FAM161A: variants seen among roughly 807,000 people sequenced by gnomAD.
FAM161A encodes the protein protein FAM161A.
In FAM161A, 57 loss-of-function variants were observed where a neutral mutation model predicts 70.9. The ratio of observed to expected loss-of-function variants is 0.80; its 90% CI spans 0.65 to 1.00. FAM161A has a LOEUF of 1.00. Among genes scored for constraint, FAM161A ranks in the 50% least tolerant of loss-of-function variants. FAM161A has a pLI of 0.00. For missense variants in FAM161A, 880 were observed against 836.0 expected (o/e 1.05, Z -0.65); for synonymous variants, 299 against 295.7 (o/e 1.01, Z -0.12).
chr2:61,802,079 A>G, the FAM161A span, among the ~76,000 whole-genome samples: 1 of 152,218 alleles, frequency 6.6e-6, no homozygotes. Flanking sequence ...TCTGGGTAAA[A>G]CTTATTAATC....
At chr2:61,827,609 C>A (rs1373856495) in intron 5 of FAM161A, among the ~76,000 whole-genome samples, 747 of 107,654 alleles carry the variant, frequency 6.9e-3, no homozygotes, top group Middle Eastern at 0.01. Flanking sequence ...GACTCTGTCT[C>A]AAAAAAAAAA....
chr2:61,827,321 A>G (rs1672406007), intron 5 of FAM161A, 63 bp from the exon 6 acceptor site: 3 of 1,569,700 alleles, frequency 1.9e-6, no homozygotes, highest in African/African-American at 1.3e-5. Flanking sequence ...TCAAAAATGT[A>G]TAGATTAGGC....
At chr2:61,845,210 C>T (rs547177180) in intron 1 of FAM161A, among the ~76,000 whole-genome samples, 1 of 152,114 alleles carries the variant, frequency 6.6e-6, no homozygotes, top group African/African-American at 2.4e-5. Flanking sequence ...TTTAAATAAG[C>T]AGCGGAAGGA....
At chr2:61,801,718 G>A in the FAM161A span, among the ~76,000 whole-genome samples, 4 of 151,930 alleles carry the variant, frequency 2.6e-5, no homozygotes, top group African/African-American at 9.6e-5. Context: ...GTGCCACCAC[G>A]CCTGGCTAAT....
chr2:61,822,581 A>T (rs1487502091), downstream of FAM161A, among the ~76,000 whole-genome samples: 1 of 152,154 alleles, frequency 6.6e-6, no homozygotes, highest in South Asian at 2.1e-4. Flanking sequence ...TAATTTTTAT[A>T]AAGTTATTTT....
the FAM161A span, among the ~76,000 whole-genome samples, chr2:61,808,773 A>G: frequency 2.6e-5 from 4 of 152,242 alleles, no homozygotes; most frequent in African/African-American, 4.8e-5. Flanking sequence ...TCTGGGTAAC[A>G]TAAAATGAGG....
intron 1 of FAM161A, among the ~76,000 whole-genome samples, chr2:61,847,324 C>A (rs544600527): frequency 6.6e-6 from 1 of 152,166 alleles, no homozygotes; most frequent in African/African-American, 2.4e-5. Flanking sequence ...TTCCCTGACT[C>A]TCCTATTTAA....
chr2:61,824,899 T>A lies in FAM161A; in HGVS notation c.*1556A>T, dbSNP rs1364271760. ...TATTAAGTACCTACCATATGTACAA[T>A]ACTGTTCCAAATATTAAGGGAATAC... On this transcript the variant is annotated 3_prime_UTR_variant, in exon 7 of 7. Transcript: ENST00000404929. 2.2e-6 allele frequency: 1 copy of A among 449,272 alleles called. No individual in the cohort carries two copies. Among genetic ancestry groups the A allele is most frequent in the Admixed American group, 2.4e-5 (1 of 41,502 alleles). The allele number at this position is 449,272 out of a possible 1,614,324, so 27.8% of individuals were successfully genotyped here.
chr2:61,829,155 T>C (rs1166027235), intron 5 of FAM161A, among the ~76,000 whole-genome samples: 1 of 152,214 alleles, frequency 6.6e-6, no homozygotes, highest in Non-Finnish European at 1.5e-5. Context: ...TGAAATTGAC[T>C]AAGGTCACAA....
chr2:61,804,799 A>AAAGAAAGG, the FAM161A span, among the ~76,000 whole-genome samples: 1 of 150,578 alleles, frequency 6.6e-6, no homozygotes, highest in African/African-American at 2.5e-5. Flanking sequence ...AGAAAGAAAG[A>AAAGAAAGG]AAGAAAGAAA....
At chr2:61,838,023 T>C (rs1255508806) in intron 4 of FAM161A, among the ~76,000 whole-genome samples, 1 of 152,220 alleles carries the variant, frequency 6.6e-6, no homozygotes, top group Non-Finnish European at 1.5e-5. Context: ...TTTTCAAACT[T>C]TGTACTGCAA....
At chr2:61,831,224 G>A (rs1421983520) in intron 5 of FAM161A, among the ~76,000 whole-genome samples, 1 of 149,380 alleles carries the variant, frequency 6.7e-6, no homozygotes, top group Non-Finnish European at 1.5e-5. Flanking sequence ...TTTCTTTCTT[G>A]TATTATAGTA....
chr2:61,801,568 G>GTT, the FAM161A span, among the ~76,000 whole-genome samples: 9 of 127,818 alleles, frequency 7.0e-5, no homozygotes, highest in East Asian at 2.2e-4. Context: ...GGTTTTTTTG[G>GTT]TTTTTTTTTT....
chr2:61,805,421 AAGG>A, the FAM161A span, among the ~76,000 whole-genome samples: 1 of 151,948 alleles, frequency 6.6e-6, no homozygotes, highest in South Asian at 2.1e-4. Flanking sequence ...GAGGCTGAGG[AAGG>A]AGAATTGCTT....
the FAM161A span, among the ~76,000 whole-genome samples, chr2:61,815,841 A>G: frequency 1.3e-5 from 2 of 151,804 alleles, no homozygotes; most frequent in African/African-American, 4.8e-5. Flanking sequence ...GTGAGCCACC[A>G]CACCTGGCCT....
At chr2:61,840,669 G>C in intron 2 of FAM161A, 88 bp from the exon 3 acceptor site, 1 of 1,056,262 alleles carries the variant, frequency 9.5e-7, no homozygotes, top group Non-Finnish European at 1.4e-6. Flanking sequence ...TTTTTTTTCT[G>C]AGACAGAGTC....
chr2:61,822,296 T>C (rs970797327), downstream of FAM161A, among the ~76,000 whole-genome samples: 25 of 152,014 alleles, frequency 1.6e-4, no homozygotes, highest in African/African-American at 5.8e-4. Flanking sequence ...TTAAAAATTT[T>C]AAAAAGTTAT....
At chr2:61,809,067 T>A in the FAM161A span, among the ~76,000 whole-genome samples, 1 of 152,072 alleles carries the variant, frequency 6.6e-6, no homozygotes, top group African/African-American at 2.4e-5. Flanking sequence ...GAGACGAGGT[T>A]TTGCCATGTT....
the FAM161A span, among the ~76,000 whole-genome samples, chr2:61,812,003 A>C: frequency 6.6e-6 from 1 of 150,736 alleles, no homozygotes; most frequent in South Asian, 2.1e-4. Flanking sequence ...GTAATTCAAA[A>C]CCCCAGGCCC....
Sources: allele counts gnomAD v4.1 joint callset (sites outside exome capture counted in the v4.1 genomes callset), GRCh38; gene constraint gnomAD v4.1.1; transcripts MANE v1.5; gene names NCBI Gene and HGNC (gene_info 2026-07-23, HGNC 2026-07-21).